The following CCDC91 variants were observed in gnomAD, a reference collection of about 807,000 sequenced individuals.
CCDC91 encodes the protein coiled-coil domain containing 91.
A neutral mutation model predicts 63.2 loss-of-function variants in CCDC91; 48 were observed. The ratio of observed to expected loss-of-function variants is 0.76; its 90% CI spans 0.60 to 0.97. CCDC91 has a LOEUF of 0.97. Among genes scored for constraint, CCDC91 ranks in the 50% least tolerant of loss-of-function variants. The pLI, the probability that CCDC91 is intolerant of heterozygous loss-of-function variation, is 0.00. For missense variants in CCDC91, 500 were observed against 494.6 expected (o/e 1.01, Z -0.10); for synonymous variants, 167 against 165.8 (o/e 1.01, Z -0.06).
chr12:28,337,428 AATC>A (rs1942068429), intron 6 of CCDC91, among the ~76,000 whole-genome samples: 1 of 152,106 alleles, frequency 6.6e-6, no homozygotes, highest in South Asian at 2.1e-4. Flanking sequence ...TGCTTTTCAA[AATC>A]ATCTTGTTTT....
intron 11 of CCDC91, among the ~76,000 whole-genome samples, chr12:28,482,531 G>A (rs1951503294): frequency 6.6e-6 from 1 of 151,876 alleles, no homozygotes; most frequent in Non-Finnish European, 1.5e-5. Context: ...AAGAGAAAAT[G>A]TGTATTGCCA....
intron 7 of CCDC91, among the ~76,000 whole-genome samples, chr12:28,366,749 T>G (rs1944299817): frequency 6.6e-6 from 1 of 152,120 alleles, no homozygotes; most frequent in African/African-American, 2.4e-5. Context: ...CTGTCATTTC[T>G]GCTTGGTAGT....
At chr12:28,497,471 T>C (rs578121061) in intron 12 of CCDC91, among the ~76,000 whole-genome samples, 1 of 151,656 alleles carries the variant, frequency 6.6e-6, no homozygotes, top group South Asian at 2.1e-4. Flanking sequence ...TTCTGGTTGT[T>C]AGAGAAGGTT....
chr12:28,196,637 T>A (rs1441331437), intron 1 of CCDC91, among the ~76,000 whole-genome samples: 1 of 152,226 alleles, frequency 6.6e-6, no homozygotes, highest in Non-Finnish European at 1.5e-5. Flanking sequence ...AACTCCTGCT[T>A]AGAGCTTTAA....
At chr12:28,357,543 C>T (rs12301674) in intron 6 of CCDC91, among the ~76,000 whole-genome samples, 59,487 of 151,548 alleles carry the variant, frequency 0.39, 12,185 homozygotes, top group Middle Eastern at 0.49. Context: ...GAGTTATATA[C>T]AGAAAACATA....
Position 28,391,356 on chromosome 12 carries a change from A to C in CCDC91, c.707A>C (p.Tyr236Ser), listed in dbSNP as rs759213086. ...CAAGTAGAAGCTATTGAAAAACAGT[A>C]CATTTCTGCAATTGAGAAACAGGCA... ...KQQVEAIEKQ[Y>S]ISAIEKQAHK... Residue 236 changes from tyrosine to serine, a missense_variant, in exon 8 of 13, where the codon TAC becomes TCC. By Grantham distance (144) the Tyr-to-Ser change is moderately radical. Coordinates refer to ENST00000536442, the MANE Select transcript of CCDC91 (RefSeq NM_018318.5). The C allele has an allele frequency of 4.3e-6, 7 of 1,613,120 alleles. No homozygotes were observed. The highest frequency in any genetic ancestry group is 5.9e-6 in the Non-Finnish European group (7 of 1,179,340).
chr12:28,205,742 C>T (rs1461124008), intron 1 of CCDC91, among the ~76,000 whole-genome samples: 1 of 152,158 alleles, frequency 6.6e-6, no homozygotes, highest in Non-Finnish European at 1.5e-5. Flanking sequence ...TAAGACTCAG[C>T]TATTGTTACA....
At chr12:28,277,699 G>T (rs1290234427) in intron 3 of CCDC91, among the ~76,000 whole-genome samples, 1 of 151,746 alleles carries the variant, frequency 6.6e-6, no homozygotes, top group Admixed American at 6.6e-5. Flanking sequence ...TGATCAAGTA[G>T]GTCAGATTTA....
chr12:28,498,720 CTCTT>C lies in CCDC91; in HGVS notation c.1215+14557_1215+14560del, dbSNP rs141671018. Among the ~76,000 whole-genome samples the C allele has an allele frequency of 5.6e-3, 846 of 151,782 alleles. 7 individuals are homozygous for C. The highest frequency in any genetic ancestry group is 0.02 in the African/African-American group (821 of 41,468). ...TATTTTTTCTTCTTAGTGCATAAAA[CTCTT>C]TGAAATTATGTTCATGTTTTTATCA... On this transcript the variant is annotated intron_variant, in intron 12 of 12. Coordinates refer to ENST00000536442, the MANE Select transcript of CCDC91 (RefSeq NM_018318.5).
At chr12:28,265,454 A>T (rs561720299) in intron 3 of CCDC91, among the ~76,000 whole-genome samples, 1 of 152,194 alleles carries the variant, frequency 6.6e-6, no homozygotes, top group African/African-American at 2.4e-5. Context: ...CTATTTGCAT[A>T]CAAAGCCAAC....
chr12:28,399,479 C>G lies in CCDC91; in HGVS notation c.762+8068C>G, dbSNP rs1946486709. ...CATTTCACCCTGACCACTCCCAAAT[C>G]TCTTGACTTCACATTTCAAAACCCA... On this transcript the variant is annotated intron_variant, in intron 8 of 12. Transcript: ENST00000536442. Among the ~76,000 whole-genome samples, 13 of 152,192 alleles carry G rather than the reference C, an allele frequency of 8.5e-5. No individual in the cohort carries two copies. The South Asian group carries it at 2.7e-3, about 32-fold the overall frequency.
chr12:28,522,265 A>G (rs753486446), intron 12 of CCDC91, among the ~76,000 whole-genome samples: 55 of 152,140 alleles, frequency 3.6e-4, no homozygotes, highest in Non-Finnish European at 7.2e-4. Context: ...TTATTGGTCT[A>G]TTCGGGGATT....
chr12:28,303,899 A>T (rs1031716663), intron 3 of CCDC91, among the ~76,000 whole-genome samples: 1 of 152,082 alleles, frequency 6.6e-6, no homozygotes, highest in African/African-American at 2.4e-5. Flanking sequence ...TTAAAAATTC[A>T]TTAGTAATAT....
At chr12:28,392,984 A>G (rs1946044667) in intron 8 of CCDC91, among the ~76,000 whole-genome samples, 1 of 152,210 alleles carries the variant, frequency 6.6e-6, no homozygotes, top group African/African-American at 2.4e-5. Context: ...ACACACAGCT[A>G]TCATTAGTAT....
chr12:28,409,838 G>A (rs145583259), intron 8 of CCDC91, among the ~76,000 whole-genome samples: 3 of 151,610 alleles, frequency 2.0e-5, no homozygotes, highest in Admixed American at 6.6e-5. Flanking sequence ...TAAATATGTC[G>A]GTGTTTTTCA....
At chr12:28,444,145 A>AT (rs1192170386) in intron 8 of CCDC91, among the ~76,000 whole-genome samples, 1 of 152,198 alleles carries the variant, frequency 6.6e-6, no homozygotes, top group Non-Finnish European at 1.5e-5. Flanking sequence ...GTGCTAAAGA[A>AT]TTTATTCGTT....
chr12:28,434,024 G>A (rs1948767988), intron 8 of CCDC91, among the ~76,000 whole-genome samples: 1 of 151,878 alleles, frequency 6.6e-6, no homozygotes, highest in Non-Finnish European at 1.5e-5. Flanking sequence ...GAAAAAGATT[G>A]ACTGTTCTAT....
chr12:28,393,633 T>C (rs1317761699), intron 8 of CCDC91, among the ~76,000 whole-genome samples: 2 of 152,214 alleles, frequency 1.3e-5, no homozygotes. Context: ...TGAGTGTGGC[T>C]AACATACTTA....
At chr12:28,381,483 G>C (rs543737263) in intron 7 of CCDC91, among the ~76,000 whole-genome samples, 1 of 151,938 alleles carries the variant, frequency 6.6e-6, no homozygotes, top group African/African-American at 2.4e-5. Context: ...TGGTATTTGG[G>C]CATCAGTCTT....
Sources: allele counts gnomAD v4.1 joint callset (sites outside exome capture counted in the v4.1 genomes callset), GRCh38; gene constraint gnomAD v4.1.1; transcripts MANE v1.5; gene names NCBI Gene and HGNC (gene_info 2026-07-23, HGNC 2026-07-21).